PRIM2: variants seen among roughly 807,000 people sequenced by gnomAD.
PRIM2 encodes DNA primase subunit 2.
PRIM2 carries 39 observed loss-of-function variants against 67.3 expected under a neutral mutation model. The observed-to-expected ratio is 0.58, with a 90% CI of 0.45 to 0.76. PRIM2 has a LOEUF of 0.76. PRIM2 is among the 30% of genes least tolerant of loss of function. The pLI, the probability that PRIM2 is intolerant of heterozygous loss-of-function variation, is 0.00. For missense variants in PRIM2, 398 were observed against 598.7 expected (o/e 0.66, Z 3.50); for synonymous variants, 143 against 198.7 (o/e 0.72, Z 2.36).
intron 7 of PRIM2, among the ~76,000 whole-genome samples, chr6:57,416,566 C>G (rs574737807): frequency 6.6e-6 from 1 of 152,184 alleles, no homozygotes; most frequent in South Asian, 2.1e-4. Context: ...TTTGACTTCT[C>G]TCTAGCTATG....
rs1775258676 is a variant in PRIM2 at position 57,545,118 on chromosome 6, A to G, written c.1020+7493A>G. Among the ~76,000 whole-genome samples, 3 of 152,280 alleles carry G rather than the reference A, an allele frequency of 2.0e-5. No homozygotes were observed. In the South Asian group the frequency reaches 6.2e-4, roughly 32 times the overall value. On this transcript the variant is annotated intron_variant, in intron 10 of 13. Coordinates refer to ENST00000615550, the MANE Select transcript of PRIM2 (RefSeq NM_000947.5). Reference sequence around the variant, plus strand: ...CATCAGCATCATTTGGGAATATGTTAGAAATATAGATTCCCAGAATCAAAT... The same window carrying G: ...CATCAGCATCATTTGGGAATATGTTGGAAATATAGATTCCCAGAATCAAAT...
At chr6:57,291,020 T>A in the PRIM2 span, among the ~76,000 whole-genome samples, 1 of 151,716 alleles carries the variant, frequency 6.6e-6, no homozygotes, top group African/African-American at 2.4e-5. Flanking sequence ...CTGAAGGAGA[T>A]AGAGACACAA....
chr6:57,451,268 G>A (rs1313926120), intron 7 of PRIM2, among the ~76,000 whole-genome samples: 5 of 152,100 alleles, frequency 3.3e-5, no homozygotes. Flanking sequence ...AGCCTCCTGA[G>A]TAGCTGGGAT....
At chr6:57,493,759 C>T (rs1581952169) in intron 7 of PRIM2, 1 of 152,144 alleles carries the variant, frequency 6.6e-6, no homozygotes, top group Non-Finnish European at 1.5e-5. Flanking sequence ...ATTGTGGCTG[C>T]TTCAAAATAA....
intron 10 of PRIM2, among the ~76,000 whole-genome samples, chr6:57,557,548 A>G (rs1775538977): frequency 6.6e-6 from 1 of 152,166 alleles, no homozygotes; most frequent in East Asian, 1.9e-4. Flanking sequence ...ATTCTCATTT[A>G]TAAGTGGGAG....
At chr6:57,237,980 T>C in the PRIM2 span, among the ~76,000 whole-genome samples, 4 of 152,084 alleles carry the variant, frequency 2.6e-5, no homozygotes, top group Non-Finnish European at 5.9e-5. Flanking sequence ...CATTACATAA[T>C]GGTAAAGGGA....
the PRIM2 span, among the ~76,000 whole-genome samples, chr6:57,278,303 G>A: frequency 1.3e-5 from 2 of 152,064 alleles, no homozygotes; most frequent in African/African-American, 4.8e-5. Flanking sequence ...CTACAGCCTG[G>A]GTGATAGAGC....
intron 10 of PRIM2, among the ~76,000 whole-genome samples, chr6:57,561,011 A>G (rs1775616007): frequency 6.6e-6 from 1 of 152,206 alleles, no homozygotes; most frequent in Non-Finnish European, 1.5e-5. Flanking sequence ...CTTTCTAGCT[A>G]TGAAAGTCCT....
At chr6:57,278,920 G>A in the PRIM2 span, among the ~76,000 whole-genome samples, 5 of 152,294 alleles carry the variant, frequency 3.3e-5, no homozygotes, top group African/African-American at 4.8e-5. Flanking sequence ...TTTCCTATGT[G>A]AGAATTATAC....
intron 7 of PRIM2, among the ~76,000 whole-genome samples, chr6:57,485,112 G>A (rs1331324360): frequency 6.6e-6 from 1 of 152,090 alleles, no homozygotes; most frequent in Non-Finnish European, 1.5e-5. Context: ...TTAGTTAGGT[G>A]GGATGATAAG....
the PRIM2 span, among the ~76,000 whole-genome samples, chr6:57,281,007 T>G: frequency 2.0e-5 from 3 of 152,180 alleles, no homozygotes; most frequent in Non-Finnish European, 4.4e-5. Context: ...GATCCACTTT[T>G]TTAGCTCCTG....
chr6:57,307,998 T>C, the PRIM2 span, among the ~76,000 whole-genome samples: 1 of 152,226 alleles, frequency 6.6e-6, no homozygotes, highest in African/African-American at 2.4e-5. Context: ...GCTTTTTTAG[T>C]TAACATTATA....
chr6:57,350,534 C>T (rs1768826975), intron 5 of PRIM2, among the ~76,000 whole-genome samples: 1 of 152,016 alleles, frequency 6.6e-6, no homozygotes, highest in African/African-American at 2.4e-5. Context: ...TCAGGGGAGG[C>T]GTAGGAGGGG....
At chr6:57,466,877 T>TGGCAGGCTGA (rs1283414573) in intron 7 of PRIM2, among the ~76,000 whole-genome samples, 1 of 152,168 alleles carries the variant, frequency 6.6e-6, no homozygotes, top group Admixed American at 6.5e-5. Context: ...CCCAGCACTT[T>TGGCAGGCTGA]GGCAGGCTGA....
chr6:57,416,970 T>C (rs1771283350), intron 7 of PRIM2, among the ~76,000 whole-genome samples: 1 of 108,874 alleles, frequency 9.2e-6, no homozygotes, highest in Admixed American at 8.8e-5. Context: ...TCTTCTTTTT[T>C]TCTTTTTTTT....
chr6:57,374,303 A>ATTTATTTATTTATTTAT (rs1554331462), intron 5 of PRIM2, among the ~76,000 whole-genome samples: 2 of 139,792 alleles, frequency 1.4e-5, no homozygotes, highest in Non-Finnish European at 3.1e-5. Context: ...TTATTTATTT[A>ATTTATTTATTTATTTAT]TTTTTTTTGA....
At chr6:57,422,574 C>A (rs191463427) in intron 7 of PRIM2, among the ~76,000 whole-genome samples, 1 of 152,162 alleles carries the variant, frequency 6.6e-6, no homozygotes, top group East Asian at 1.9e-4. Context: ...TGTAAAGATA[C>A]ATCAATGAAA....
chr6:57,335,856 G>A (rs1418895531), intron 5 of PRIM2, among the ~76,000 whole-genome samples: 11 of 152,158 alleles, frequency 7.2e-5, no homozygotes, highest in Non-Finnish European at 1.3e-4. Context: ...AAAGCTGGAC[G>A]GAGAATGACT....
the PRIM2 span, among the ~76,000 whole-genome samples, chr6:57,252,836 C>T: frequency 6.6e-6 from 1 of 152,230 alleles, no homozygotes; most frequent in East Asian, 1.9e-4. Context: ...CTTTTCCAAT[C>T]CTTGAACCTC....
Sources: gnomAD v4.1 joint callset for allele counts (sites outside exome capture counted in the v4.1 genomes callset) on GRCh38, gnomAD v4.1.1 for gene constraint, MANE v1.5 for transcripts, NCBI Gene and HGNC (gene_info 2026-07-23, HGNC 2026-07-21) for gene names.